The following SRPRB variants were observed in gnomAD, a reference collection of about 807,000 sequenced individuals.
SRPRB encodes the protein signal recognition particle receptor subunit beta.
SRPRB carries 20 observed loss-of-function variants against 31.9 expected under a neutral mutation model. That is an observed-to-expected ratio of 0.63 (90% CI 0.44 to 0.91). The LOEUF (loss-of-function observed/expected upper bound fraction) is 0.91. SRPRB is among the 40% of genes least tolerant of loss of function. The probability of loss-of-function intolerance (pLI) is 0.00; values close to 1 mark genes in which losing one functional copy is unlikely to be tolerated. For missense variants in SRPRB, 321 were observed against 324.9 expected (o/e 0.99, Z 0.09); for synonymous variants, 146 against 132.8 (o/e 1.10, Z -0.68).
chr3:133,824,392 T>C (rs1274594564), downstream of SRPRB: 1 of 152,132 alleles, frequency 6.6e-6, no homozygotes, highest in Non-Finnish European at 1.5e-5. Context: ...CCAATCACTT[T>C]AAAGGGATGG....
intron 1 of SRPRB, chr3:133,793,786 T>C (rs1414738494): frequency 2.6e-5 from 4 of 152,110 alleles, no homozygotes; most frequent in Middle Eastern, 3.2e-3. Context: ...TTTTAGGAGA[T>C]TCATGAAAGA....
At chr3:133,812,939 G>A (rs1935301974) in intron 4 of SRPRB, among the ~76,000 whole-genome samples, 1 of 152,102 alleles carries the variant, frequency 6.6e-6, no homozygotes, top group South Asian at 2.1e-4. Flanking sequence ...TTCCCTCACT[G>A]AGTATATCTT....
intron 1 of SRPRB, chr3:133,784,619 G>A (rs1190426716): frequency 6.6e-6 from 1 of 152,098 alleles, no homozygotes; most frequent in Non-Finnish European, 1.5e-5. Context: ...TAGAGCAGGA[G>A]TCCCCAACCC....
intron 5 of SRPRB, among the ~76,000 whole-genome samples, chr3:133,815,929 A>T (rs1338759575): frequency 6.6e-6 from 1 of 152,222 alleles, no homozygotes; most frequent in African/African-American, 2.4e-5. Flanking sequence ...CCAAGGAATG[A>T]TAACCAAGTG....
chr3:133,805,750 G>C, upstream of SRPRB: 15 of 1,474,418 alleles, frequency 1.0e-5, no homozygotes, highest in Non-Finnish European at 1.4e-5. Flanking sequence ...AGAGACTATG[G>C]CTTAGGAACC....
chr3:133,823,550 C>G (rs191098011), downstream of SRPRB, among the ~76,000 whole-genome samples: 6 of 152,138 alleles, frequency 3.9e-5, no homozygotes, highest in African/African-American at 1.4e-4. Context: ...TGTTCTGGAA[C>G]CTTTATAAGC....
At chr3:133,807,109 C>T (rs1350123343) in intron 2 of SRPRB, among the ~76,000 whole-genome samples, 1 of 151,974 alleles carries the variant, frequency 6.6e-6, no homozygotes, top group Admixed American at 6.6e-5. Context: ...AGTTAGGCTT[C>T]TTTTTACTAA....
intron 1 of SRPRB, chr3:133,784,658 G>T (rs2107943241): frequency 6.6e-6 from 1 of 152,104 alleles, no homozygotes; most frequent in African/African-American, 2.4e-5. Context: ...CTCCTTATGA[G>T]ACTCTAATAA....
intron 1 of SRPRB, among the ~76,000 whole-genome samples, chr3:133,797,703 G>C (rs573431080): frequency 6.6e-6 from 1 of 152,300 alleles, no homozygotes; most frequent in South Asian, 2.1e-4. Flanking sequence ...TAGTTCAGAT[G>C]ATCTAGCCAT....
At chr3:133,811,490 G>C (rs1183240347) in intron 4 of SRPRB, among the ~76,000 whole-genome samples, 1 of 152,102 alleles carries the variant, frequency 6.6e-6, no homozygotes, top group African/African-American at 2.4e-5. Flanking sequence ...ATTTAATAAT[G>C]TATATGACTA....
Position 133,806,549 on chromosome 3 carries a change from A to G in SRPRB, c.155-60A>G, listed in dbSNP as rs1452275295. On this transcript the variant is annotated intron_variant, in intron 1 of 6. Coordinates refer to ENST00000678299, the MANE Select transcript of SRPRB (RefSeq NM_001379313.1). The stretch of plus-strand genomic sequence containing the variant: ...TTCTGTGAATTTCCCCACCCCAGCC[A>G]TGCACATATACTGATTCCCAAGGCG... 1.5e-5 allele frequency: 20 copies of G among 1,296,742 alleles called. No individual in the cohort carries two copies. The South Asian group carries it at 1.9e-4, about 13-fold the overall frequency. The allele number at this position is 1,296,742 out of a possible 1,614,324, so 80.3% of individuals were successfully genotyped here.
At position 133,819,698 on chromosome 3, in the gene SRPRB, G is replaced by C. The variant is rs370140359; in HGVS notation, c.748G>C (p.Gly250Arg). Residue 250 changes from glycine to arginine, a missense_variant, in exon 7 of 7, where the codon GGT becomes CGT. By Grantham distance (125) the Gly-to-Arg change is moderately radical. Transcript: ENST00000678299. Reference protein sequence around the residue: ...KVEFLECSAKGGRGDVGSADI... With the variant: ...KVEFLECSAKRGRGDVGSADI... ...GGAGTTCCTGGAGTGCAGTGCCAAG[G>C]GTGGAAGAGGGGACGTGGGCTCTGC... 8 of 1,614,158 alleles carry C rather than the reference G, an allele frequency of 5.0e-6. No homozygotes were observed. The African/African-American group carries it at 9.3e-5, about 19-fold the overall frequency.
Position 133,807,839 on chromosome 3 carries a change from A to C in SRPRB, c.327+16A>C. 1 of 1,592,430 alleles carries C rather than the reference A, an allele frequency of 6.3e-7. No individual in the cohort carries two copies. Among genetic ancestry groups the C allele is most frequent in the Non-Finnish European group, 8.6e-7 (1 of 1,168,870 alleles). ...CAATAACAGGGTAAGATGTTTGTGG[A>C]GTTTTGGAGTCTGACAGTCTTACTT... On this transcript the variant is annotated intron_variant, in intron 3 of 6. Transcript: ENST00000678299.
upstream of SRPRB, among the ~76,000 whole-genome samples, chr3:133,802,929 C>A (rs1021691353): frequency 2.0e-5 from 3 of 152,204 alleles, no homozygotes; most frequent in African/African-American, 4.8e-5. Context: ...GTCCCTAATT[C>A]ATTTAATGGC....
chr3:133,820,677 T>C lies in SRPRB; in HGVS notation c.*911T>C, dbSNP rs915271181. On this transcript the variant is annotated 3_prime_UTR_variant, in exon 7 of 7. Transcript: ENST00000678299. ...CCAAGAAAAAAAAAAAGTTGCCTTT[T>C]TGAAGTGATGTTTTTTGCTGTCTTC... 8.7e-5 allele frequency: 13 copies of C among 149,800 alleles called. No homozygotes were observed. Among genetic ancestry groups the C allele is most frequent in the Non-Finnish European group, 1.6e-4 (11 of 67,422 alleles). 9.3% of individuals were successfully genotyped at this position (149,800 alleles called of 1,614,324 possible).
intron 5 of SRPRB, 141 bp downstream of exon 5, chr3:133,815,867 T>C (rs1935356972): frequency 1.1e-5 from 12 of 1,075,574 alleles, no homozygotes; most frequent in Non-Finnish European, 1.5e-5. Flanking sequence ...GGATTTTTAA[T>C]CTTAAAATTT....
At chr3:133,800,691 G>A (rs551692328) in intron 1 of SRPRB, among the ~76,000 whole-genome samples, 51 of 152,290 alleles carry the variant, frequency 3.3e-4, no homozygotes, top group African/African-American at 1.2e-3. Context: ...AATTTGGTAG[G>A]CTAGGGTGAC....
At chr3:133,818,355 C>T (rs1271143753) in intron 6 of SRPRB, among the ~76,000 whole-genome samples, 1 of 152,104 alleles carries the variant, frequency 6.6e-6, no homozygotes, top group African/African-American at 2.4e-5. Context: ...ATACAGAAGC[C>T]AATCCTTTTT....
At chr3:133,822,751 C>G (rs2107979288), downstream of SRPRB, among the ~76,000 whole-genome samples, 1 of 152,312 alleles carries the variant, frequency 6.6e-6, no homozygotes, top group African/African-American at 2.4e-5. Context: ...TTGGCTCATG[C>G]CTGTCCTCAC....
Sources: gnomAD v4.1 joint callset for allele counts (sites outside exome capture counted in the v4.1 genomes callset) on GRCh38, gnomAD v4.1.1 for gene constraint, MANE v1.5 for transcripts, NCBI Gene and HGNC (gene_info 2026-07-23, HGNC 2026-07-21) for gene names.